The following THSD7A variants were observed in gnomAD, a reference collection of about 807,000 sequenced individuals.
The protein encoded by THSD7A is thrombospondin type 1 domain containing 7A.
THSD7A carries 96 observed loss-of-function variants against 231.3 expected under a neutral mutation model. The ratio of observed to expected loss-of-function variants is 0.41; its 90% CI spans 0.35 to 0.49. THSD7A has a LOEUF of 0.49. THSD7A is among the 20% of genes least tolerant of loss of function. The probability of loss-of-function intolerance (pLI) is 0.05; values close to 1 mark genes in which losing one functional copy is unlikely to be tolerated. For synonymous variants in THSD7A, 940 were observed against 743.3 expected, an observed-to-expected ratio of 1.26 and a Z score of -4.30; for missense variants, 2,290 against 2,070.2, an observed-to-expected ratio of 1.11 and a Z score of -2.06.
intron 2 of THSD7A, among the ~76,000 whole-genome samples, chr7:11,601,115 T>A (rs1780536186): frequency 1.3e-5 from 2 of 152,242 alleles, no homozygotes; most frequent in Admixed American, 1.3e-4. Context: ...GTAATTCCTC[T>A]CTTACAAAAC....
At chr7:11,402,045 C>G in intron 22 of THSD7A, 77 bp from the exon 23 acceptor site, 1 of 1,238,806 alleles carries the variant, frequency 8.1e-7, no homozygotes, top group Non-Finnish European at 1.1e-6. Flanking sequence ...AATTCCAACC[C>G]CAGTAGGCAA....
chr7:11,490,131 T>C (rs1356253988), intron 6 of THSD7A, among the ~76,000 whole-genome samples: 1 of 152,064 alleles, frequency 6.6e-6, no homozygotes, highest in Non-Finnish European at 1.5e-5. Flanking sequence ...TAGGTGATGC[T>C]GGGGTAAAAG....
chr7:11,577,170 A>G (rs550974161), intron 4 of THSD7A, among the ~76,000 whole-genome samples: 1 of 152,238 alleles, frequency 6.6e-6, no homozygotes, highest in East Asian at 1.9e-4. Flanking sequence ...AAATAAGTCA[A>G]TAGCTTTCCT....
chr7:11,414,287 A>G (rs1433902815), intron 17 of THSD7A, among the ~76,000 whole-genome samples: 1 of 152,252 alleles, frequency 6.6e-6, no homozygotes. Context: ...TTTTGACATT[A>G]GAGCACTGAA....
At chr7:11,565,655 T>G (rs2128331775) in intron 4 of THSD7A, among the ~76,000 whole-genome samples, 1 of 152,334 alleles carries the variant, frequency 6.6e-6, no homozygotes, top group Middle Eastern at 3.4e-3. Flanking sequence ...TCCAAAGATT[T>G]TGGTCTAAGC....
At chr7:11,536,573 T>C (rs1312740206) in intron 6 of THSD7A, among the ~76,000 whole-genome samples, 1 of 152,210 alleles carries the variant, frequency 6.6e-6, no homozygotes, top group Admixed American at 6.5e-5. Context: ...GTCATGGTTA[T>C]AGGTACAACT....
rs560268996 is a variant in THSD7A at position 11,790,905 on chromosome 7, C to T, written c.190+40852G>A. ...AAACATTTTTTCACTTGGTTGACTA[C>T]TTACATCTCTAAGTCCCTTCATTAT... On this transcript the variant is annotated intron_variant, in intron 1 of 27. Transcript: ENST00000423059. 3.3e-5 allele frequency among the ~76,000 whole-genome samples: 5 copies of T among 151,970 alleles called. No individual in the cohort carries two copies. The East Asian group carries it at 9.7e-4, about 29-fold the overall frequency.
At chr7:11,407,896 G>A (rs1783641001) in intron 19 of THSD7A, among the ~76,000 whole-genome samples, 1 of 151,904 alleles carries the variant, frequency 6.6e-6, no homozygotes, top group South Asian at 2.1e-4. Flanking sequence ...CAAAACTAAT[G>A]ATATCATGTA....
At chr7:11,682,537 C>T (rs1243180922) in intron 1 of THSD7A, among the ~76,000 whole-genome samples, 1 of 151,974 alleles carries the variant, frequency 6.6e-6, no homozygotes, top group African/African-American at 2.4e-5. Context: ...AAAGACATTA[C>T]ATAATGATAA....
chr7:11,651,091 C>T (rs1025891504), intron 1 of THSD7A, among the ~76,000 whole-genome samples: 1 of 151,988 alleles, frequency 6.6e-6, no homozygotes, highest in Non-Finnish European at 1.5e-5. Context: ...GATATACATA[C>T]AATGGGATAT....
intron 1 of THSD7A, among the ~76,000 whole-genome samples, chr7:11,679,913 G>C (rs948747260): frequency 2.6e-5 from 4 of 152,010 alleles, no homozygotes; most frequent in Non-Finnish European, 2.9e-5. Flanking sequence ...AAAGAAGAAA[G>C]CTGGAGGGAT....
intron 1 of THSD7A, among the ~76,000 whole-genome samples, chr7:11,778,550 G>A (rs1329747409): frequency 2.0e-5 from 3 of 152,036 alleles, no homozygotes; most frequent in African/African-American, 7.2e-5. Flanking sequence ...GCAGAGTCGA[G>A]GAAGAAGAGA....
intron 23 of THSD7A, among the ~76,000 whole-genome samples, chr7:11,388,065 TA>T (rs1782831926): frequency 6.6e-6 from 1 of 152,174 alleles, no homozygotes; most frequent in Non-Finnish European, 1.5e-5. Flanking sequence ...TTGATTGTGG[TA>T]GATAAGCTTT....
intron 1 of THSD7A, among the ~76,000 whole-genome samples, chr7:11,800,106 G>A (rs1481747676): frequency 6.6e-6 from 1 of 152,170 alleles, no homozygotes; most frequent in Non-Finnish European, 1.5e-5. Context: ...AATCCAGGAG[G>A]AGAGGAGTCG....
intron 1 of THSD7A, among the ~76,000 whole-genome samples, chr7:11,830,229 G>A (rs1426372224): frequency 1.3e-5 from 2 of 152,306 alleles, no homozygotes; most frequent in East Asian, 1.9e-4. Context: ...TACAGTGAAT[G>A]TTGGCTGGGC....
At chr7:11,680,452 T>C (rs928589117) in intron 1 of THSD7A, among the ~76,000 whole-genome samples, 90 of 152,276 alleles carry the variant, frequency 5.9e-4, no homozygotes, top group African/African-American at 2.0e-3. Context: ...AATGTATCCA[T>C]CTGACAAAGG....
chr7:11,403,336 C>G (rs1372130989), intron 22 of THSD7A, among the ~76,000 whole-genome samples: 1 of 152,054 alleles, frequency 6.6e-6, no homozygotes, highest in African/African-American at 2.4e-5. Flanking sequence ...TACGTAATAG[C>G]AAAATGGAGT....
At chr7:11,563,260 C>T (rs548034756) in intron 4 of THSD7A, among the ~76,000 whole-genome samples, 120 of 152,230 alleles carry the variant, frequency 7.9e-4, no homozygotes, top group African/African-American at 2.8e-3. Flanking sequence ...CAATTTTGAG[C>T]CATATTTAAA....
At chr7:11,487,859 G>C (rs1486901727) in intron 6 of THSD7A, among the ~76,000 whole-genome samples, 1 of 152,144 alleles carries the variant, frequency 6.6e-6, no homozygotes, top group Non-Finnish European at 1.5e-5. Flanking sequence ...TTCAAGGTGA[G>C]ATTTGGGTGG....
Sources: allele counts gnomAD v4.1 joint callset (sites outside exome capture counted in the v4.1 genomes callset), GRCh38; gene constraint gnomAD v4.1.1; transcripts MANE v1.5; gene names NCBI Gene and HGNC (gene_info 2026-07-23, HGNC 2026-07-21).